SRP68: variants seen among roughly 807,000 people sequenced by gnomAD.
SRP68 encodes signal recognition particle 68.
In SRP68, 15 loss-of-function variants were observed where a neutral mutation model predicts 82.2. That is an observed-to-expected ratio of 0.18 (90% CI 0.12 to 0.28). The LOEUF (loss-of-function observed/expected upper bound fraction) is 0.28. Ranked by LOEUF, SRP68 falls within the 10% of genes least tolerant of loss-of-function variation. SRP68 has a pLI of 1.00. For missense variants in SRP68, 595 were observed against 780.5 expected (o/e 0.76, Z 2.83); for synonymous variants, 261 against 292.6 (o/e 0.89, Z 1.10).
chr17:76,040,787 T>C, intron 14 of SRP68, 116 bp downstream of exon 14: 1 of 1,014,340 alleles, frequency 9.9e-7, no homozygotes, highest in Non-Finnish European at 1.5e-6. Context: ...CAGGAACATC[T>C]TACAGATGAA....
At chr17:76,048,044 G>C in intron 9 of SRP68, 74 bp from the exon 10 acceptor site, 1 of 1,023,876 alleles carries the variant, frequency 9.8e-7, no homozygotes, top group Non-Finnish European at 1.4e-6. Context: ...ATGGAATGGT[G>C]GGGTCTCCAA....
chr17:76,052,990 G>A (rs1392223698), intron 8 of SRP68, among the ~76,000 whole-genome samples: 2 of 151,414 alleles, frequency 1.3e-5, no homozygotes, highest in African/African-American at 2.4e-5. Flanking sequence ...CGTCGGACGC[G>A]GTGGCTCACG....
chr17:76,063,688 A>ACC (rs2066786276), intron 4 of SRP68, among the ~76,000 whole-genome samples: 1 of 140,022 alleles, frequency 7.1e-6, no homozygotes, highest in African/African-American at 2.7e-5. Flanking sequence ...ACTCTGTCTG[A>ACC]AAAAAAAAAA....
Position 76,072,217 on chromosome 17 carries a change from A to C in SRP68, c.184+91T>G. On this transcript the variant is annotated intron_variant, in intron 1 of 15. Coordinates refer to ENST00000307877, the MANE Select transcript of SRP68 (RefSeq NM_014230.4). This position sits in a 1 kb window ranked among gnomAD's most constrained non-coding sequence, Gnocchi z 4.5. Reference sequence around the variant, plus strand: ...ACTGCAACCCTCGGCCTCTCCTGCCAGGACTTGTCGGGACCCGCCGCCTCT... The same window carrying C: ...ACTGCAACCCTCGGCCTCTCCTGCCCGGACTTGTCGGGACCCGCCGCCTCT... The C allele has an allele frequency of 6.3e-7, 1 of 1,589,108 alleles. No homozygotes were observed. The highest frequency in any genetic ancestry group is 8.5e-7 in the Non-Finnish European group (1 of 1,173,186).
chr17:76,072,444 A>G lies in SRP68; in HGVS notation c.48T>C (p.Ser16=), dbSNP rs997278732. 110 of 1,579,904 alleles carry G rather than the reference A, an allele frequency of 7.0e-5. No homozygotes were observed. The African/African-American group carries it at 1.3e-3, about 19-fold the overall frequency. Residue 16 remains serine (S), a synonymous_variant, in exon 1 of 16, where the codon AGT becomes AGC. Coordinates refer to ENST00000307877, the MANE Select transcript of SRP68 (RefSeq NM_014230.4). This position sits in a 1 kb window ranked among gnomAD's most constrained non-coding sequence, Gnocchi z 4.5. ...QVPGGGGGGG[S]GGGGGSGGGG... ...CGCCGCCACTGCCACCGCCGCCGCCACTGCCGCCGCCGCCGCCGCCGCCTG... is the reference window on the plus strand; with the variant it reads ...CGCCGCCACTGCCACCGCCGCCGCCGCTGCCGCCGCCGCCGCCGCCGCCTG...
intron 3 of SRP68, among the ~76,000 whole-genome samples, chr17:76,064,704 G>A (rs1215753628): frequency 6.6e-6 from 1 of 152,076 alleles, no homozygotes; most frequent in African/African-American, 2.4e-5. Flanking sequence ...AGCTGGGTGT[G>A]TTGGTATGCG....
At chr17:76,045,236 C>G in intron 12 of SRP68, 56 bp downstream of exon 12, 1 of 1,397,194 alleles carries the variant, frequency 7.2e-7, no homozygotes. Context: ...GTCATGCTCC[C>G]AATGCTTATA....
At chr17:76,060,602 C>T (rs181283374) in intron 6 of SRP68, 2 of 497,924 alleles carry the variant, frequency 4.0e-6, no homozygotes, top group East Asian at 3.3e-5. Flanking sequence ...GGTAAATACA[C>T]ATCATGAAAC....
chr17:76,068,355 G>A (rs1255454674), intron 2 of SRP68, among the ~76,000 whole-genome samples: 1 of 151,540 alleles, frequency 6.6e-6, no homozygotes, highest in Non-Finnish European at 1.5e-5. Flanking sequence ...TACTCGGGAG[G>A]CTGAGGCAGA....
In SRP68 at chr17:76,039,669, G is replaced by C. The variant is rs1256025804; in HGVS notation, c.*37C>G. ...GGGATTTTCTCACAATACAGATTAA[G>C]AGTCAGAATCTCCCCCGCCCCCGAG... On this transcript the variant is annotated 3_prime_UTR_variant, in exon 16 of 16. Coordinates refer to ENST00000307877, the MANE Select transcript of SRP68 (RefSeq NM_014230.4). The C allele has an allele frequency of 7.6e-6, 12 of 1,582,112 alleles. No individual in the cohort carries two copies. Among genetic ancestry groups the C allele is most frequent in the Middle Eastern group, 1.7e-4 (1 of 6,006 alleles).
intron 2 of SRP68, among the ~76,000 whole-genome samples, chr17:76,070,099 C>A (rs749770236): frequency 2.0e-4 from 30 of 147,518 alleles, no homozygotes; most frequent in South Asian, 1.7e-3. Context: ...AACAAACAAA[C>A]AAAAAAAACA....
At chr17:76,056,739 T>G (rs2066716358) in intron 8 of SRP68, among the ~76,000 whole-genome samples, 1 of 152,216 alleles carries the variant, frequency 6.6e-6, no homozygotes, top group Admixed American at 6.5e-5. Context: ...ATGCCACTGT[T>G]CCCTGATGAG....
intron 8 of SRP68, among the ~76,000 whole-genome samples, chr17:76,055,807 C>CTTTTT (rs1032113845): frequency 5.6e-5 from 6 of 106,550 alleles, no homozygotes; most frequent in African/African-American, 7.7e-5. Flanking sequence ...TTTTTTTCTT[C>CTTTTT]TTTTTTTTTT....
At chr17:76,060,125 CAAAAAAAAAAAAAA>C in intron 7 of SRP68, among the ~76,000 whole-genome samples, 169 bp downstream of exon 7, 1 of 28,792 alleles carries the variant, frequency 3.5e-5, no homozygotes, top group South Asian at 3.0e-3. Flanking sequence ...GACTCCATCT[CAAAAAAAAAAAAAA>C]AAAAAAAAAA....
chr17:76,060,463 C>T (rs1420534219), intron 6 of SRP68, 73 bp from the exon 7 acceptor site: 2 of 1,055,754 alleles, frequency 1.9e-6, no homozygotes, highest in African/African-American at 1.6e-5. Context: ...TCAACTCAGA[C>T]TTAAAGAGCT....
chr17:76,045,501 T>C, intron 11 of SRP68, 115 bp from the exon 12 acceptor site: 1 of 721,032 alleles, frequency 1.4e-6, no homozygotes, highest in Non-Finnish European at 2.3e-6. Context: ...CCGAGGTCAA[T>C]ACGATGGGGA....
intron 8 of SRP68, among the ~76,000 whole-genome samples, chr17:76,055,324 T>C (rs115799146): frequency 0.015 from 2,249 of 152,144 alleles, 44 homozygotes; most frequent in African/African-American, 0.047. Context: ...AACAGGTGGT[T>C]TCTGGTTACA....
chr17:76,068,237 A>T (rs1452289137), intron 2 of SRP68, among the ~76,000 whole-genome samples: 1 of 151,878 alleles, frequency 6.6e-6, no homozygotes, highest in Non-Finnish European at 1.5e-5. Flanking sequence ...GGTTGCGTTG[A>T]GCCAAGATTG....
intron 8 of SRP68, chr17:76,053,612 C>G (rs1045617199): frequency 1.9e-5 from 19 of 985,296 alleles, no homozygotes; most frequent in Non-Finnish European, 2.2e-5. Flanking sequence ...TAAGTTCCCA[C>G]TGGGAATTTT....
Sources: allele counts gnomAD v4.1 joint callset (sites outside exome capture counted in the v4.1 genomes callset), GRCh38; gene constraint gnomAD v4.1.1; non-coding constraint Gnocchi (gnomAD v3.1); transcripts MANE v1.5; gene names NCBI Gene and HGNC (gene_info 2026-07-23, HGNC 2026-07-21).